COBL: variants seen among roughly 807,000 people sequenced by gnomAD.
COBL encodes protein cordon-bleu.
Under a neutral mutation model 98.8 loss-of-function variants are expected in COBL, and 51 were observed. The observed-to-expected ratio is 0.52, with a 90% CI of 0.41 to 0.65. The LOEUF is 0.65. Among genes scored for constraint, COBL ranks in the 30% least tolerant of loss-of-function variants. The pLI is 0.00. For synonymous variants in COBL, 634 were observed against 651.7 expected, an observed-to-expected ratio of 0.97 and a Z score of 0.41; for missense variants, 1,617 against 1,617.5, an observed-to-expected ratio of 1.00 and a Z score of 0.01.
intron 5 of COBL, among the ~76,000 whole-genome samples, chr7:51,167,047 A>G (rs556095000): frequency 4.8e-4 from 73 of 152,326 alleles, no homozygotes; most frequent in Non-Finnish European, 8.5e-4. Flanking sequence ...CTGGAACATG[A>G]CAAGGATGCC....
chr7:51,081,260 G>C (rs936142938), intron 7 of COBL, among the ~76,000 whole-genome samples: 1 of 152,222 alleles, frequency 6.6e-6, no homozygotes, highest in Admixed American at 6.5e-5. Flanking sequence ...GTGGGCATGA[G>C]AGGGGAAGAG....
chr7:51,202,763 G>A (rs897041499), intron 2 of COBL, among the ~76,000 whole-genome samples: 8 of 152,220 alleles, frequency 5.3e-5, no homozygotes, highest in African/African-American at 9.6e-5. Flanking sequence ...AGGAAGGGCC[G>A]GGCACAGTGG....
chr7:51,026,935 G>A (rs1223645129), intron 10 of COBL, among the ~76,000 whole-genome samples: 3 of 152,154 alleles, frequency 2.0e-5, no homozygotes, highest in Non-Finnish European at 4.4e-5. Context: ...CATGTCAGCC[G>A]AGGCCTATAG....
At position 51,017,168 on chromosome 7, in the gene COBL, T is replaced by C. The variant is rs1018984000; in HGVS notation, c.*383A>G. 7 of 465,010 alleles carry C rather than the reference T, an allele frequency of 1.5e-5. No homozygotes were observed. Among genetic ancestry groups the C allele is most frequent in the African/African-American group, 4.0e-5 (2 of 50,462 alleles). The allele number at this position is 465,010 out of a possible 1,614,324, so 28.8% of individuals were successfully genotyped here. ...AAATCAGTAAGTAGTTTCATCCATCTGTATGTGGTAAAAGTCTCAAAGGTC... is the reference window on the plus strand; with the variant it reads ...AAATCAGTAAGTAGTTTCATCCATCCGTATGTGGTAAAAGTCTCAAAGGTC... On this transcript the variant is annotated 3_prime_UTR_variant, in exon 13 of 13. Coordinates refer to ENST00000265136, the MANE Select transcript of COBL (RefSeq NM_015198.5).
At chr7:51,189,119 G>A (rs1789833871) in intron 4 of COBL, among the ~76,000 whole-genome samples, 1 of 152,106 alleles carries the variant, frequency 6.6e-6, no homozygotes, top group Non-Finnish European at 1.5e-5. Context: ...AAAAGACACT[G>A]GATAAAACAC....
intron 1 of COBL, among the ~76,000 whole-genome samples, chr7:51,282,028 C>T (rs1005381006): frequency 6.6e-5 from 10 of 151,204 alleles, no homozygotes; most frequent in African/African-American, 1.9e-4. Context: ...AGAAAACCCA[C>T]GAAAATAAAC....
intron 7 of COBL, among the ~76,000 whole-genome samples, chr7:51,079,304 AG>A (rs1447076057): frequency 6.6e-6 from 1 of 152,220 alleles, no homozygotes; most frequent in African/African-American, 2.4e-5. Flanking sequence ...GATGTCCTAC[AG>A]ACAGACCTAA....
chr7:51,026,408 G>T, intron 11 of COBL, 138 bp downstream of exon 11: 1 of 1,185,210 alleles, frequency 8.4e-7, no homozygotes, highest in Non-Finnish European at 1.2e-6. Flanking sequence ...ACACAGGCTG[G>T]GATGGCCACT....
intron 1 of COBL, among the ~76,000 whole-genome samples, chr7:51,313,295 G>T (rs1403242825): frequency 6.6e-6 from 1 of 152,044 alleles, no homozygotes; most frequent in Non-Finnish European, 1.5e-5. Flanking sequence ...ATGTCACTGT[G>T]GCTGCCCCAT....
At chr7:51,247,714 G>C (rs1796374631) in intron 1 of COBL, among the ~76,000 whole-genome samples, 1 of 152,160 alleles carries the variant, frequency 6.6e-6, no homozygotes, top group South Asian at 2.1e-4. Flanking sequence ...ACAGTGGCCA[G>C]GCTGGTTCTT....
chr7:51,165,454 C>G (rs1584025594), intron 5 of COBL, among the ~76,000 whole-genome samples: 1 of 151,920 alleles, frequency 6.6e-6, no homozygotes, highest in African/African-American at 2.4e-5. Context: ...ACTGAAGCAT[C>G]CAGATATATA....
chr7:51,195,742 T>C (rs1476053357), intron 2 of COBL, among the ~76,000 whole-genome samples: 1 of 152,200 alleles, frequency 6.6e-6, no homozygotes. Context: ...AGGTATTTTA[T>C]AATTTTTTTG....
At chr7:51,038,649 T>C (rs1588292135) in intron 8 of COBL, among the ~76,000 whole-genome samples, 1 of 152,110 alleles carries the variant, frequency 6.6e-6, no homozygotes, top group African/African-American at 2.4e-5. Flanking sequence ...AACAGAGGGG[T>C]AGCAATAGAA....
chr7:51,303,339 T>C (rs746962542), intron 1 of COBL, among the ~76,000 whole-genome samples: 4 of 152,214 alleles, frequency 2.6e-5, no homozygotes, highest in South Asian at 4.1e-4. Context: ...GGCGGCCAGA[T>C]TGCCTGACTC....
chr7:51,075,770 G>C (rs1189568635), intron 7 of COBL, among the ~76,000 whole-genome samples: 1 of 152,104 alleles, frequency 6.6e-6, no homozygotes, highest in African/African-American at 2.4e-5. Context: ...GGCTCATAAG[G>C]TTTTTTTGAA....
intron 8 of COBL, chr7:51,033,681 G>A (rs1157154852): frequency 6.6e-6 from 1 of 152,228 alleles, no homozygotes; most frequent in Admixed American, 6.5e-5. Context: ...TGAGTTCAAA[G>A]CAGCTTGAGT....
At chr7:51,092,704 C>T (rs1322415750) in intron 6 of COBL, among the ~76,000 whole-genome samples, 6 of 152,232 alleles carry the variant, frequency 3.9e-5, no homozygotes, top group Middle Eastern at 3.4e-3. Context: ...CTTTACATTT[C>T]GAAATCAGGG....
At chr7:51,149,728 T>A (rs1450233695) in intron 5 of COBL, among the ~76,000 whole-genome samples, 1 of 152,132 alleles carries the variant, frequency 6.6e-6, no homozygotes, top group Non-Finnish European at 1.5e-5. Context: ...TGCCTCAGCC[T>A]CTGAGTAGCT....
intron 6 of COBL, among the ~76,000 whole-genome samples, chr7:51,100,326 G>C (rs997859704): frequency 1.3e-5 from 2 of 152,158 alleles, no homozygotes; most frequent in African/African-American, 4.8e-5. Context: ...AGGAACTGTA[G>C]TGGATTCAAA....
Sources: allele counts gnomAD v4.1 joint callset (sites outside exome capture counted in the v4.1 genomes callset), GRCh38; gene constraint gnomAD v4.1.1; transcripts MANE v1.5; gene names NCBI Gene and HGNC (gene_info 2026-07-23, HGNC 2026-07-21).